The following GRIN2A variants were observed in gnomAD, a reference collection of about 807,000 sequenced individuals.
GRIN2A encodes the protein glutamate receptor ionotropic, NMDA 2A.
A neutral mutation model predicts 113.4 loss-of-function variants in GRIN2A; 22 were observed. The ratio of observed to expected loss-of-function variants is 0.19; its 90% CI spans 0.14 to 0.28. The LOEUF is 0.28. Among genes scored for constraint, GRIN2A ranks in the 10% least tolerant of loss-of-function variants. The probability of loss-of-function intolerance (pLI) is 1.00; values close to 1 mark genes in which losing one functional copy is unlikely to be tolerated. For synonymous variants in GRIN2A, 827 were observed against 738.4 expected (o/e 1.12, Z -1.94); for missense variants, 1,502 against 1,887.0 (o/e 0.80, Z 3.78).
Position 9,760,939 on chromosome 16 carries a change from T to A in GRIN2A, c.*2210A>T, listed in dbSNP as rs148482120. ...ATGGAGATTCAGATTTAGGATCAGA[T>A]GTTGGGGTGACTATTCTGGGCCCTT... On this transcript the variant is annotated 3_prime_UTR_variant, in exon 13 of 13. Coordinates refer to ENST00000330684, the MANE Select transcript of GRIN2A (RefSeq NM_001134407.3). 1,017 of 232,454 alleles carry A rather than the reference T, an allele frequency of 4.4e-3. 2 individuals carry two copies. Among genetic ancestry groups the A allele is most frequent in the Middle Eastern group, 0.02 (16 of 784 alleles). The allele number at this position is 232,454 out of a possible 1,614,324, so 14.4% of individuals were successfully genotyped here.
chr16:9,819,589 A>G (rs1024642235), intron 10 of GRIN2A, among the ~76,000 whole-genome samples: 1 of 152,132 alleles, frequency 6.6e-6, no homozygotes, highest in African/African-American at 2.4e-5. Flanking sequence ...TTCCCCAAAT[A>G]TTAACTCCAA....
At chr16:9,810,549 AGAG>A (rs1470221903) in intron 10 of GRIN2A, among the ~76,000 whole-genome samples, 1 of 152,182 alleles carries the variant, frequency 6.6e-6, no homozygotes. Context: ...CCTTAGAAGA[AGAG>A]GAGACATACC....
intron 3 of GRIN2A, among the ~76,000 whole-genome samples, chr16:9,896,998 A>G (rs2043819320): frequency 6.6e-6 from 1 of 152,174 alleles, no homozygotes; most frequent in South Asian, 2.1e-4. Flanking sequence ...AAAATGTCAG[A>G]AATTCTGACT....
At chr16:10,080,771 A>G (rs2047963491) in intron 2 of GRIN2A, among the ~76,000 whole-genome samples, 1 of 152,088 alleles carries the variant, frequency 6.6e-6, no homozygotes, top group Non-Finnish European at 1.5e-5. Flanking sequence ...CCCTCTTACC[A>G]TCCAAACACC....
At chr16:9,933,973 C>T (rs1366740613) in intron 3 of GRIN2A, among the ~76,000 whole-genome samples, 2 of 152,202 alleles carry the variant, frequency 1.3e-5, no homozygotes, top group Non-Finnish European at 2.9e-5. Flanking sequence ...AGTACGAACA[C>T]ATGTACATGG....
At position 9,761,688 on chromosome 16, in the gene GRIN2A, A is replaced by G. The variant is rs1033894484; in HGVS notation, c.*1461T>C. 1 of 226,908 alleles carries G rather than the reference A, an allele frequency of 4.4e-6. No homozygotes were observed. Among genetic ancestry groups the G allele is most frequent in the East Asian group, 6.4e-5 (1 of 15,730 alleles). The allele number at this position is 226,908 out of a possible 1,614,324, so 14.1% of individuals were successfully genotyped here. A position where few individuals can be genotyped will look rare whatever the true frequency, so the allele number is the denominator to read the frequency against. Reference sequence around the variant, plus strand: ...CACTGTGCTAACAGGCTCCCCATGCATAAGTATTCCCCTCTCTGTCTCTAA... The same window carrying G: ...CACTGTGCTAACAGGCTCCCCATGCGTAAGTATTCCCCTCTCTGTCTCTAA... On this transcript the variant is annotated 3_prime_UTR_variant, in exon 13 of 13. Transcript: ENST00000330684.
At chr16:9,969,813 C>T (rs2045635481) in intron 2 of GRIN2A, among the ~76,000 whole-genome samples, 1 of 152,214 alleles carries the variant, frequency 6.6e-6, no homozygotes, top group Admixed American at 6.5e-5. Context: ...GGAAAGCTCC[C>T]TATTCACAAA....
At chr16:10,057,267 C>G (rs1317955449) in intron 2 of GRIN2A, among the ~76,000 whole-genome samples, 1 of 152,154 alleles carries the variant, frequency 6.6e-6, no homozygotes, top group African/African-American at 2.4e-5. Flanking sequence ...CACCAGACCT[C>G]AAGAATAAAT....
intron 2 of GRIN2A, among the ~76,000 whole-genome samples, chr16:10,036,440 TTTTTTTTTC>T (rs1457088137): frequency 5.8e-5 from 4 of 68,540 alleles, no homozygotes; most frequent in African/African-American, 2.9e-4. Context: ...GTACTTACTT[TTTTTTTTTC>T]TTTTTTTTTT....
intron 4 of GRIN2A, among the ~76,000 whole-genome samples, chr16:9,878,809 GCAA>G (rs891154262): frequency 2.4e-4 from 37 of 151,408 alleles, no homozygotes; most frequent in East Asian, 9.7e-4. Flanking sequence ...TGTTACAACT[GCAA>G]CAACAACAAC....
chr16:10,151,636 T>A (rs1413354241), intron 2 of GRIN2A, among the ~76,000 whole-genome samples: 1 of 152,202 alleles, frequency 6.6e-6, no homozygotes, highest in Non-Finnish European at 1.5e-5. Context: ...TCAAATCATA[T>A]CAGGCTGGAA....
At chr16:9,806,906 G>A (rs2041981026) in intron 10 of GRIN2A, among the ~76,000 whole-genome samples, 1 of 151,940 alleles carries the variant, frequency 6.6e-6, no homozygotes, top group Non-Finnish European at 1.5e-5. Flanking sequence ...TGTTGTGGGA[G>A]GGACCCAGTG....
chr16:9,843,437 C>T (rs1332743236), intron 5 of GRIN2A, among the ~76,000 whole-genome samples: 4 of 152,196 alleles, frequency 2.6e-5, no homozygotes, highest in African/African-American at 9.7e-5. Context: ...TCAAGTGATA[C>T]TCCCACTTTG....
At chr16:10,027,165 G>C (rs2046838452) in intron 2 of GRIN2A, among the ~76,000 whole-genome samples, 6 of 152,184 alleles carry the variant, frequency 3.9e-5, no homozygotes, top group Admixed American at 3.3e-4. Flanking sequence ...AGTAGCATTT[G>C]TTACATGAGA....
At chr16:10,179,200 T>C (rs990994105) in intron 2 of GRIN2A, among the ~76,000 whole-genome samples, 2 of 152,216 alleles carry the variant, frequency 1.3e-5, no homozygotes, top group Admixed American at 6.5e-5. Context: ...TGTACACTCT[T>C]TCTTGCATTT....
At chr16:9,913,574 C>T (rs968139673) in intron 3 of GRIN2A, among the ~76,000 whole-genome samples, 3 of 152,152 alleles carry the variant, frequency 2.0e-5, no homozygotes, top group Admixed American at 2.0e-4. Flanking sequence ...GGGTGTTTAA[C>T]ATAAGTTATC....
At chr16:10,156,580 TCA>T (rs572107946) in intron 2 of GRIN2A, among the ~76,000 whole-genome samples, 152 of 152,156 alleles carry the variant, frequency 1.0e-3, no homozygotes, top group African/African-American at 3.4e-3. Flanking sequence ...AGGAATAAAT[TCA>T]CAGTCATGTG....
At chr16:10,029,367 T>G (rs960097536) in intron 2 of GRIN2A, among the ~76,000 whole-genome samples, 8 of 152,160 alleles carry the variant, frequency 5.3e-5, no homozygotes, top group Non-Finnish European at 1.0e-4. Flanking sequence ...GGCAAATTTT[T>G]GTATTTTTAG....
Position 9,821,783 on chromosome 16 carries a change from ATGATT to A in GRIN2A, c.2168+476_2168+480del, listed in dbSNP as rs2042289792. Among the ~76,000 whole-genome samples, 4 of 152,272 alleles carry A rather than the reference ATGATT, an allele frequency of 2.6e-5. No individual in the cohort carries two copies. In the South Asian group the frequency reaches 8.3e-4, roughly 32 times the overall value. ...GAGAGGAATGCTAACTGTAACTTGA[ATGATT>A]TGAGTTCTCATTGCTTTTCTCCCAT... is the stretch of plus-strand genomic sequence containing the variant. On this transcript the variant is annotated intron_variant, in intron 10 of 12. Coordinates refer to ENST00000330684, the MANE Select transcript of GRIN2A (RefSeq NM_001134407.3).
Sources: gnomAD v4.1 joint callset for allele counts (sites outside exome capture counted in the v4.1 genomes callset) on GRCh38, gnomAD v4.1.1 for gene constraint, MANE v1.5 for transcripts, NCBI Gene and HGNC (gene_info 2026-07-23, HGNC 2026-07-21) for gene names.